The following WAPL variants were observed in gnomAD, a reference collection of about 807,000 sequenced individuals.
WAPL encodes wings apart-like protein homolog.
In WAPL, 5 loss-of-function variants were observed where a neutral mutation model predicts 121.0. The ratio of observed to expected loss-of-function variants is 0.04; its 90% CI spans 0.02 to 0.09. The LOEUF (loss-of-function observed/expected upper bound fraction) is 0.09. WAPL is among the 10% of genes least tolerant of loss of function. The probability of loss-of-function intolerance (pLI) is 1.00; values close to 1 mark genes in which losing one functional copy is unlikely to be tolerated. For missense variants in WAPL, 999 were observed against 1,410.8 expected (o/e 0.71, Z 4.68); for synonymous variants, 480 against 481.5 (o/e 1.00, Z 0.04).
At chr10:86,443,577 T>G (rs973521733) in intron 16 of WAPL, 2 of 476,222 alleles carry the variant, frequency 4.2e-6, no homozygotes, top group African/African-American at 2.0e-5. Flanking sequence ...AGTTAAAATT[T>G]TTGTGTTGCA....
At chr10:86,508,956 C>T (rs868688117) in intron 2 of WAPL, among the ~76,000 whole-genome samples, 2 of 151,342 alleles carry the variant, frequency 1.3e-5, no homozygotes, top group African/African-American at 4.9e-5. Context: ...AGGGTTTCAC[C>T]GTGGTCTCGA....
chr10:86,482,164 T>G (rs1249242387), intron 4 of WAPL, among the ~76,000 whole-genome samples: 2 of 152,190 alleles, frequency 1.3e-5, no homozygotes, highest in African/African-American at 4.8e-5. Flanking sequence ...CTGTACCTAT[T>G]TAGATATAAG....
chr10:86,436,818 T>C lies in WAPL; in HGVS notation c.*725A>G, dbSNP rs1849335150. On this transcript the variant is annotated 3_prime_UTR_variant, in exon 19 of 19. Coordinates refer to ENST00000298767, the MANE Select transcript of WAPL (RefSeq NM_015045.5). The stretch of plus-strand genomic sequence containing the variant: ...CTTATATAATATTCTCTCAAACTGT[T>C]GTTTTTCTTGTGCCTATAGCTATGA... 1 of 152,674 alleles carries C rather than the reference T, an allele frequency of 6.5e-6. No individual in the cohort carries two copies. The highest frequency in any genetic ancestry group is 2.4e-5 in the African/African-American group (1 of 41,470). 9.5% of individuals were successfully genotyped at this position (152,674 alleles called of 1,614,324 possible). A position where few individuals can be genotyped will look rare whatever the true frequency, so the allele number is the denominator to read the frequency against.
At chr10:86,497,457 A>AAAAT (rs1842170487) in intron 3 of WAPL, 138 bp from the exon 4 acceptor site, 2 of 664,008 alleles carry the variant, frequency 3.0e-6, no homozygotes, top group Non-Finnish European at 2.6e-6. Flanking sequence ...CAGAGCTGAC[A>AAAAT]AAATACTCCC....
At chr10:86,493,422 C>G (rs1013240720) in intron 4 of WAPL, among the ~76,000 whole-genome samples, 3 of 152,026 alleles carry the variant, frequency 2.0e-5, no homozygotes, top group Non-Finnish European at 4.4e-5. Flanking sequence ...AGGAAAGGGA[C>G]TATGTACAAT....
chr10:86,438,806 A>G (rs960902945), intron 17 of WAPL, among the ~76,000 whole-genome samples: 7 of 152,244 alleles, frequency 4.6e-5, no homozygotes, highest in African/African-American at 1.2e-4. Flanking sequence ...AACCTCATCT[A>G]TGATAGATTC....
intron 12 of WAPL, among the ~76,000 whole-genome samples, chr10:86,457,933 A>C (rs925343758): frequency 1.3e-5 from 2 of 152,220 alleles, no homozygotes; most frequent in Non-Finnish European, 2.9e-5. Context: ...TGTTTCAAAT[A>C]ATACAGGAGA....
intron 2 of WAPL, among the ~76,000 whole-genome samples, chr10:86,503,051 A>G (rs189578240): frequency 1.6e-4 from 24 of 152,112 alleles, no homozygotes; most frequent in African/African-American, 5.5e-4. Context: ...CCAGCTACTC[A>G]GGAGGCTGAG....
At position 86,481,205 on chromosome 10, in the gene WAPL, G is replaced by C. The variant is rs1392767320; in HGVS notation, c.1645-7232C>G. The stretch of plus-strand genomic sequence containing the variant: ...AACAGTCAACATGTAAGAGAATGGA[G>C]GAAGACAGAAACTAAAGAAAAAAAA... On this transcript the variant is annotated intron_variant, in intron 4 of 18. Transcript: ENST00000298767. 2.0e-5 allele frequency among the ~76,000 whole-genome samples: 3 copies of C among 151,754 alleles called. No individual in the cohort carries two copies. The South Asian group carries it at 6.2e-4, about 31-fold the overall frequency.
chr10:86,452,809 G>A (rs1158001692), intron 14 of WAPL, among the ~76,000 whole-genome samples: 1 of 151,806 alleles, frequency 6.6e-6, no homozygotes, highest in East Asian at 1.9e-4. Flanking sequence ...GGAGGCTGAG[G>A]CGGGCAGATC....
At position 86,521,446 on chromosome 10, in the gene WAPL, C is replaced by A; in HGVS notation, c.-104G>T. On this transcript the variant is annotated 5_prime_UTR_variant, in exon 1 of 19. It adds an upstream start codon to the 5' untranslated region. Coordinates refer to ENST00000298767, the MANE Select transcript of WAPL (RefSeq NM_015045.5). ...ACGGCCCGCGGGCGGGCGCGGAACC[C>A]TCGCGCGGGAGAGCAGGGCCGGCAG... 3.2e-6 allele frequency: 1 copy of A among 312,670 alleles called. No individual in the cohort carries two copies. The highest frequency in any genetic ancestry group is 6.5e-6 in the Non-Finnish European group (1 of 153,908). 19.4% of individuals were successfully genotyped at this position (312,670 alleles called of 1,614,324 possible). A position where few individuals can be genotyped will look rare whatever the true frequency, so the allele number is the denominator to read the frequency against.
At chr10:86,506,763 C>G (rs1240938970) in intron 2 of WAPL, among the ~76,000 whole-genome samples, 1 of 152,140 alleles carries the variant, frequency 6.6e-6, no homozygotes, top group Non-Finnish European at 1.5e-5. Flanking sequence ...GCACTCCAGC[C>G]TGGGCAACAG....
chr10:86,453,425 G>A (rs1181454386), intron 13 of WAPL, 90 bp from the exon 14 acceptor site: 2 of 1,363,584 alleles, frequency 1.5e-6, no homozygotes, highest in South Asian at 1.2e-5. Context: ...TATTAACTTA[G>A]AATTGTATAG....
intron 8 of WAPL, among the ~76,000 whole-genome samples, chr10:86,469,447 T>C (rs373259457): frequency 2.6e-4 from 40 of 151,548 alleles, no homozygotes; most frequent in African/African-American, 8.5e-4. Flanking sequence ...AGAGATGGGG[T>C]TTCACCATGT....
At chr10:86,456,156 G>A (rs1841141453) in intron 12 of WAPL, among the ~76,000 whole-genome samples, 1 of 152,084 alleles carries the variant, frequency 6.6e-6, no homozygotes, top group Non-Finnish European at 1.5e-5. Flanking sequence ...CTGTCACAGG[G>A]GTACTAAGCT....
At chr10:86,482,412 T>C (rs1215182901) in intron 4 of WAPL, among the ~76,000 whole-genome samples, 4 of 152,254 alleles carry the variant, frequency 2.6e-5, no homozygotes, top group Non-Finnish European at 5.9e-5. Context: ...TATGTATGTA[T>C]GTAATATATG....
intron 8 of WAPL, among the ~76,000 whole-genome samples, chr10:86,470,122 T>C (rs1589511746): frequency 6.6e-6 from 1 of 150,762 alleles, no homozygotes; most frequent in African/African-American, 2.4e-5. Flanking sequence ...AACCTCCACC[T>C]CCCGGGTTCA....
intron 4 of WAPL, among the ~76,000 whole-genome samples, chr10:86,475,094 T>C (rs889791163): frequency 2.6e-5 from 4 of 152,232 alleles, no homozygotes; most frequent in Non-Finnish European, 2.9e-5. Flanking sequence ...GCCCTATCAA[T>C]TTACTTAAAC....
At chr10:86,492,285 G>T (rs1842065031) in intron 4 of WAPL, among the ~76,000 whole-genome samples, 1 of 152,134 alleles carries the variant, frequency 6.6e-6, no homozygotes, top group Non-Finnish European at 1.5e-5. Context: ...TATTAAATGT[G>T]TAAGAAATAA....
Sources: gnomAD v4.1 joint callset for allele counts (sites outside exome capture counted in the v4.1 genomes callset) on GRCh38, gnomAD v4.1.1 for gene constraint, MANE v1.5 for transcripts, NCBI Gene and HGNC (gene_info 2026-07-23, HGNC 2026-07-21) for gene names.